Variants in PPA2 observed in about 807,000 individuals in gnomAD.
PPA2 encodes the protein inorganic pyrophosphatase 2, mitochondrial.
In PPA2, 48 loss-of-function variants were observed where a neutral mutation model predicts 49.5. The ratio of observed to expected loss-of-function variants is 0.97; its 90% CI spans 0.77 to 1.23. The LOEUF is 1.23. PPA2 is among the 50% of genes most tolerant of loss of function. The pLI, the probability that PPA2 is intolerant of heterozygous loss-of-function variation, is 0.00. For synonymous variants in PPA2, 131 were observed against 139.9 expected (o/e 0.94, Z 0.45); for missense variants, 429 against 410.1 (o/e 1.05, Z -0.40).
At chr4:105,450,598 A>ATCCTTTT (rs1722626022) in intron 3 of PPA2, among the ~76,000 whole-genome samples, 1 of 63,322 alleles carries the variant, frequency 1.6e-5, no homozygotes, top group African/African-American at 5.3e-5. Flanking sequence ...CTGGTCTGGA[A>ATCCTTTT]TTCTTTTTTT....
chr4:105,473,525 T>C, intron 1 of PPA2: 1 of 491,006 alleles, frequency 2.0e-6, no homozygotes, highest in Non-Finnish European at 3.9e-6. Flanking sequence ...CCTCACTGAG[T>C]TGTGTGAACC....
chr4:105,379,220 T>G (rs904580087), intron 10 of PPA2, among the ~76,000 whole-genome samples: 1 of 152,130 alleles, frequency 6.6e-6, no homozygotes. Flanking sequence ...CTTTGCATAC[T>G]TTTGCCAGAG....
chr4:105,403,012 T>TCTC (rs1722289459), intron 7 of PPA2, among the ~76,000 whole-genome samples: 1 of 149,720 alleles, frequency 6.7e-6, no homozygotes, highest in Admixed American at 6.7e-5. Context: ...CTTTCTTTCT[T>TCTC]TCTCTCTCTC....
intron 1 of PPA2, among the ~76,000 whole-genome samples, chr4:105,460,953 T>C (rs1723066228): frequency 6.6e-6 from 1 of 151,752 alleles, no homozygotes; most frequent in Admixed American, 6.6e-5. Flanking sequence ...CCATACCTAC[T>C]AGAAGCTATT....
intron 1 of PPA2, among the ~76,000 whole-genome samples, chr4:105,463,251 G>T (rs1242151429): frequency 1.3e-5 from 2 of 152,182 alleles, no homozygotes; most frequent in Non-Finnish European, 2.9e-5. Flanking sequence ...GGGAACTGGA[G>T]CAAAGGTGAT....
chr4:105,444,375 T>C (rs1724512758), intron 5 of PPA2, among the ~76,000 whole-genome samples: 1 of 152,210 alleles, frequency 6.6e-6, no homozygotes, highest in Admixed American at 6.5e-5. Context: ...ACCATTAAGG[T>C]GTTCTTGTAC....
intron 6 of PPA2, among the ~76,000 whole-genome samples, chr4:105,431,474 C>A (rs1228247188): frequency 1.3e-5 from 2 of 152,086 alleles, no homozygotes; most frequent in Non-Finnish European, 2.9e-5. Context: ...TCTGGAGAAA[C>A]TGGAATCCTT....
At chr4:105,429,566 A>T (rs2110278574) in intron 6 of PPA2, among the ~76,000 whole-genome samples, 2 of 152,350 alleles carry the variant, frequency 1.3e-5, no homozygotes, top group East Asian at 3.9e-4. Flanking sequence ...TATTTAAAAA[A>T]TTAGGCACCA....
chr4:105,394,330 C>A (rs568478658), intron 9 of PPA2, among the ~76,000 whole-genome samples: 1 of 136,804 alleles, frequency 7.3e-6, no homozygotes, highest in Non-Finnish European at 1.5e-5. Flanking sequence ...GCCGAGATTG[C>A]ACCACTGCAC....
chr4:105,390,207 C>T (rs191851881), intron 9 of PPA2, among the ~76,000 whole-genome samples: 234 of 152,296 alleles, frequency 1.5e-3, no homozygotes, highest in Non-Finnish European at 3.0e-3. Flanking sequence ...ACCATACAAA[C>T]CCTAGAAGAA....
intron 6 of PPA2, among the ~76,000 whole-genome samples, chr4:105,436,261 A>T (rs1352392637): frequency 6.6e-6 from 1 of 151,958 alleles, no homozygotes; most frequent in Non-Finnish European, 1.5e-5. Context: ...GAATACATTT[A>T]ATCAAGTGGG....
chr4:105,427,336 A>AT (rs1461822607), intron 6 of PPA2, among the ~76,000 whole-genome samples: 1 of 152,224 alleles, frequency 6.6e-6, no homozygotes, highest in Non-Finnish European at 1.5e-5. Context: ...ACAAAACTGC[A>AT]TGAAGAATGA....
At chr4:105,373,791 A>ACACC (rs1733125747) in intron 10 of PPA2, among the ~76,000 whole-genome samples, 1 of 151,732 alleles carries the variant, frequency 6.6e-6, no homozygotes, top group Admixed American at 6.6e-5. Context: ...ACACACACAC[A>ACACC]CACACCCCAT....
chr4:105,392,672 CAA>C (rs1175617131), intron 9 of PPA2, among the ~76,000 whole-genome samples: 15 of 97,652 alleles, frequency 1.5e-4, no homozygotes, highest in Non-Finnish European at 1.3e-4. Context: ...GACTCTGTTT[CAA>C]AAAAAAAAAA....
intron 1 of PPA2, chr4:105,473,690 T>A (rs746251070): frequency 7.7e-5 from 67 of 866,686 alleles, no homozygotes; most frequent in Non-Finnish European, 1.1e-4. Context: ...TTTGGGGTCT[T>A]GATCCGCCGC....
At chr4:105,447,216 A>T (rs1553928787) in intron 4 of PPA2, among the ~76,000 whole-genome samples, 7 of 152,244 alleles carry the variant, frequency 4.6e-5, no homozygotes, top group Non-Finnish European at 5.9e-5. Flanking sequence ...CCTTAAAAAA[A>T]GCAGAACATT....
chr4:105,412,220 G>A (rs1225137722), intron 7 of PPA2, among the ~76,000 whole-genome samples: 3 of 152,130 alleles, frequency 2.0e-5, no homozygotes, highest in East Asian at 3.8e-4. Context: ...AACCAAAACA[G>A]CATGGTACTG....
At chr4:105,373,797 C>CA (rs1733127466) in intron 10 of PPA2, among the ~76,000 whole-genome samples, 2 of 116,858 alleles carry the variant, frequency 1.7e-5, no homozygotes, top group African/African-American at 6.8e-5. Flanking sequence ...ACACACACAC[C>CA]CCATCATAGG....
chr4:105,454,499 T>G (rs1722803766), intron 2 of PPA2, among the ~76,000 whole-genome samples: 3 of 151,744 alleles, frequency 2.0e-5, no homozygotes, highest in South Asian at 4.2e-4. Context: ...CCTGGCTAAT[T>G]TTTTTTTGTA....
Sources: gnomAD v4.1 joint callset for allele counts (sites outside exome capture counted in the v4.1 genomes callset) on GRCh38, gnomAD v4.1.1 for gene constraint, MANE v1.5 for transcripts, NCBI Gene and HGNC (gene_info 2026-07-23, HGNC 2026-07-21) for gene names.